The following SMAD1 variants were observed in gnomAD, a reference collection of about 807,000 sequenced individuals.
The protein encoded by SMAD1 is SMAD family member 1.
Under a neutral mutation model 41.6 loss-of-function variants are expected in SMAD1, and 6 were observed. That is an observed-to-expected ratio of 0.14 (90% CI 0.08 to 0.28). The LOEUF is 0.28. SMAD1 is among the 10% of genes least tolerant of loss of function. The pLI is 1.00. For synonymous variants in SMAD1, 206 were observed against 203.2 expected (o/e 1.01, Z -0.12); for missense variants, 379 against 582.6 (o/e 0.65, Z 3.60).
intron 1 of SMAD1, among the ~76,000 whole-genome samples, chr4:145,509,469 GA>G (rs1578765113): frequency 6.6e-6 from 1 of 152,120 alleles, no homozygotes; most frequent in East Asian, 1.9e-4. Flanking sequence ...ACCCCCAAGT[GA>G]TTTTGGGGGT....
At chr4:145,553,007 C>A (rs556679922) in intron 5 of SMAD1, among the ~76,000 whole-genome samples, 1 of 152,054 alleles carries the variant, frequency 6.6e-6, no homozygotes, top group Admixed American at 6.5e-5. Context: ...TTGCCTCAAG[C>A]AATCCTGCCA....
intron 1 of SMAD1, among the ~76,000 whole-genome samples, chr4:145,508,123 G>C (rs1184514939): frequency 3.5e-5 from 5 of 144,272 alleles, no homozygotes; most frequent in African/African-American, 1.3e-4. Flanking sequence ...AAATCTTTCT[G>C]TATTGAAGAT....
chr4:145,493,290 A>G (rs1728874929), intron 1 of SMAD1, among the ~76,000 whole-genome samples: 1 of 152,206 alleles, frequency 6.6e-6, no homozygotes, highest in African/African-American at 2.4e-5. Flanking sequence ...GAAAGAGAGT[A>G]ATGATACAGT....
At chr4:145,537,855 A>G (rs1731701420) in intron 2 of SMAD1, among the ~76,000 whole-genome samples, 1 of 152,206 alleles carries the variant, frequency 6.6e-6, no homozygotes, top group Admixed American at 6.5e-5. Flanking sequence ...AGAGCTGCTA[A>G]AACAGATGCT....
chr4:145,546,641 G>A, intron 4 of SMAD1, 62 bp from the exon 5 acceptor site: 2 of 1,174,264 alleles, frequency 1.7e-6, no homozygotes, highest in East Asian at 2.3e-5. Flanking sequence ...CAACAACACG[G>A]TTTCAGTTTT....
rs529051529 is a variant in SMAD1, at chr4:145,533,248, T to C, written c.401-6556T>C. Among the ~76,000 whole-genome samples the C allele has an allele frequency of 9.8e-5, 15 of 152,340 alleles. No individual in the cohort carries two copies. In the South Asian group the frequency reaches 3.1e-3, roughly 32 times the overall value. ...TCTTTACTTTCCTGAATTTAATTAG[T>C]CATCGCTTATAGTTAGTGTGAACAT... On this transcript the variant is annotated intron_variant, in intron 2 of 6. Transcript: ENST00000302085.
chr4:145,553,663 G>C, intron 5 of SMAD1, 121 bp from the exon 6 acceptor site: 2 of 890,224 alleles, frequency 2.2e-6, no homozygotes, highest in Non-Finnish European at 3.5e-6. Flanking sequence ...CTAGAGAATA[G>C]CTAGCTAACT....
chr4:145,528,926 C>T (rs1731176309), intron 2 of SMAD1, among the ~76,000 whole-genome samples: 1 of 152,138 alleles, frequency 6.6e-6, no homozygotes, highest in Admixed American at 6.6e-5. Flanking sequence ...TCTCATTTTC[C>T]ACTTTTATAA....
chr4:145,540,264 C>G (rs991396074), intron 3 of SMAD1, among the ~76,000 whole-genome samples: 1 of 152,240 alleles, frequency 6.6e-6, no homozygotes, highest in Non-Finnish European at 1.5e-5. Flanking sequence ...ATTTGTCAGG[C>G]ACAGATGCTT....
At chr4:145,508,951 C>G (rs145485437) in intron 1 of SMAD1, among the ~76,000 whole-genome samples, 387 of 152,294 alleles carry the variant, frequency 2.5e-3, no homozygotes, top group African/African-American at 9.1e-3. Context: ...CTAATTCTGT[C>G]ACCTTTGGGG....
Position 145,527,284 on chromosome 4 carries a change from C to T in SMAD1, c.400+12271C>T, listed in dbSNP as rs1353889588. Reference sequence around the variant, plus strand: ...TGTCGCCCAGGCTGGAGTGCAGTGGCGGGATCTCGGCTCACTGCGAGCTCC... The same window carrying T: ...TGTCGCCCAGGCTGGAGTGCAGTGGTGGGATCTCGGCTCACTGCGAGCTCC... On this transcript the variant is annotated intron_variant, in intron 2 of 6. Coordinates refer to ENST00000302085, the MANE Select transcript of SMAD1 (RefSeq NM_005900.3). Among the ~76,000 whole-genome samples the T allele has an allele frequency of 4.7e-5, 7 of 150,292 alleles. 1 individual carries two copies. The highest frequency in any genetic ancestry group is 1.2e-4 in the African/African-American group (5 of 40,998).
chr4:145,487,319 C>T (rs1288506590), intron 1 of SMAD1, among the ~76,000 whole-genome samples: 1 of 151,970 alleles, frequency 6.6e-6, no homozygotes, highest in East Asian at 1.9e-4. Context: ...GAGAATTGGA[C>T]AGGTCTGAGG....
intron 5 of SMAD1, among the ~76,000 whole-genome samples, chr4:145,547,617 G>A (rs1311855616): frequency 1.3e-5 from 2 of 152,156 alleles, no homozygotes; most frequent in Non-Finnish European, 2.9e-5. Context: ...ATAGCAGTAT[G>A]AGTGAAACCA....
intron 2 of SMAD1, among the ~76,000 whole-genome samples, chr4:145,519,431 T>C (rs918615436): frequency 6.6e-6 from 1 of 151,824 alleles, no homozygotes; most frequent in African/African-American, 2.4e-5. Flanking sequence ...AATTTCTTTT[T>C]GGTGAGTACA....
intron 2 of SMAD1, among the ~76,000 whole-genome samples, chr4:145,521,732 G>A (rs1248046962): frequency 1.3e-5 from 2 of 152,072 alleles, no homozygotes; most frequent in Admixed American, 6.5e-5. Context: ...TTGGGGTGAC[G>A]GAAATTTTCT....
rs1246775507 is a variant in SMAD1 at position 145,554,050 on chromosome 4, C to T, written c.1254+10C>T. Reference sequence around the variant, plus strand: ...TATGAGCTTTGTGAAGGTAAGTGAGCTCCGACTCCTCCATTTAGGGCCTAA... The same window carrying T: ...TATGAGCTTTGTGAAGGTAAGTGAGTTCCGACTCCTCCATTTAGGGCCTAA... On this transcript the variant is annotated intron_variant, in intron 6 of 6. Transcript: ENST00000302085. The T allele has an allele frequency of 6.2e-7, 1 of 1,605,190 alleles. No homozygotes were observed. The highest frequency in any genetic ancestry group is 8.5e-7 in the Non-Finnish European group (1 of 1,174,272).
chr4:145,492,839 AAT>A (rs1728848162), intron 1 of SMAD1, among the ~76,000 whole-genome samples: 1 of 152,220 alleles, frequency 6.6e-6, no homozygotes, highest in Non-Finnish European at 1.5e-5. Flanking sequence ...TTGAAGCCCA[AAT>A]ATATATTTTA....
At position 145,491,950 on chromosome 4, in the gene SMAD1, G is replaced by A. The variant is rs149553544; in HGVS notation, c.-177+9912G>A. Among the ~76,000 whole-genome samples the A allele has an allele frequency of 2.6e-3, 394 of 152,204 alleles. 3 individuals are homozygous for A. Among genetic ancestry groups the A allele is most frequent in the Middle Eastern group, 0.014 (4 of 294 alleles). On this transcript the variant is annotated intron_variant, in intron 1 of 6. Coordinates refer to ENST00000302085, the MANE Select transcript of SMAD1 (RefSeq NM_005900.3). ...TATAGTTTTGATTATTGAGATGGAC[G>A]AGTTTATGAGGTATTAAATAAAGTG...
intron 2 of SMAD1, among the ~76,000 whole-genome samples, chr4:145,517,272 CCTGTTT>C (rs1730464466): frequency 6.6e-6 from 1 of 152,146 alleles, no homozygotes; most frequent in African/African-American, 2.4e-5. Flanking sequence ...TCTATCTGTA[CCTGTTT>C]CTCCTCCCTC....
Sources: allele counts gnomAD v4.1 joint callset (sites outside exome capture counted in the v4.1 genomes callset), GRCh38; gene constraint gnomAD v4.1.1; transcripts MANE v1.5; gene names NCBI Gene and HGNC (gene_info 2026-07-23, HGNC 2026-07-21).